CXCL9: variants seen among roughly 807,000 people sequenced by gnomAD.
CXCL9 encodes C-X-C motif chemokine 9.
In CXCL9, 8 loss-of-function variants were observed where a neutral mutation model predicts 11.7. That is an observed-to-expected ratio of 0.68 (90% CI 0.40 to 1.23). The LOEUF is 1.23. Ranked by LOEUF, CXCL9 falls within the 50% of genes most tolerant of loss-of-function variation. The pLI, the probability that CXCL9 is intolerant of heterozygous loss-of-function variation, is 0.01. For synonymous variants in CXCL9, 43 were observed against 48.2 expected (o/e 0.89, Z 0.45); for missense variants, 133 against 141.7 (o/e 0.94, Z 0.31).
At chr4:76,005,958 G>C (rs1289640118) in intron 2 of CXCL9, 190 bp downstream of exon 2, 1 of 500,344 alleles carries the variant, frequency 2.0e-6, no homozygotes, top group Admixed American at 3.1e-5. Context: ...GTCATTCTTG[G>C]GGCCTAATCT....
At chr4:76,006,602 A>G (rs1363837640) in intron 1 of CXCL9, among the ~76,000 whole-genome samples, 1 of 152,212 alleles carries the variant, frequency 6.6e-6, no homozygotes, top group Non-Finnish European at 1.5e-5. Context: ...AATATTTAAT[A>G]AATGCCTATC....
intron 2 of CXCL9, 103 bp downstream of exon 2, chr4:76,006,045 T>C (rs967955305): frequency 6.6e-6 from 7 of 1,059,048 alleles, no homozygotes. Context: ...AACCATCTGA[T>C]TTTTAAGTGT....
intron 1 of CXCL9, among the ~76,000 whole-genome samples, chr4:76,006,901 A>G (rs1731597028): frequency 6.6e-6 from 1 of 152,200 alleles, no homozygotes; most frequent in Admixed American, 6.5e-5. Flanking sequence ...TATGCCATAC[A>G]TTGTGTAGCA....
In CXCL9 at chr4:76,001,541, A is replaced by C. The variant is rs1185501945; in HGVS notation, c.*2057T>G. On this transcript the variant is annotated 3_prime_UTR_variant, in exon 4 of 4. Transcript: ENST00000264888. ...AATATTTCAAATTACAAGGTATACA[A>C]GTCAATACTGTTTTGAAGTGAAAAA... 1 of 152,210 alleles carries C rather than the reference A, an allele frequency of 6.6e-6. No homozygotes were observed. Among genetic ancestry groups the C allele is most frequent in the Non-Finnish European group, 1.5e-5 (1 of 68,034 alleles). 9.4% of individuals were successfully genotyped at this position (152,210 alleles called of 1,614,324 possible).
At position 76,001,932 on chromosome 4, in the gene CXCL9, A is replaced by G. The variant is rs1425855722; in HGVS notation, c.*1666T>C. 1 of 197,714 alleles carries G rather than the reference A, an allele frequency of 5.1e-6. No homozygotes were observed. Among genetic ancestry groups the G allele is most frequent in the Non-Finnish European group, 1.0e-5 (1 of 98,208 alleles). The allele number at this position is 197,714 out of a possible 1,614,324, so 12.2% of individuals were successfully genotyped here. A position where few individuals can be genotyped will look rare whatever the true frequency, so the allele number is the denominator to read the frequency against. ...GAACCTCCCCTGGAAGGAGGTTTCCACATCCTGCAGAGGCTAACTGGGCAC... is the reference window on the plus strand; with the variant it reads ...GAACCTCCCCTGGAAGGAGGTTTCCGCATCCTGCAGAGGCTAACTGGGCAC... On this transcript the variant is annotated 3_prime_UTR_variant, in exon 4 of 4. Transcript: ENST00000264888.
rs1447070137 is a variant in CXCL9 at position 76,006,141 on chromosome 4, T to C, written c.191+7A>G. The C allele has an allele frequency of 6.2e-7, 1 of 1,612,360 alleles. No homozygotes were observed. The highest frequency in any genetic ancestry group is 1.3e-5 in the African/African-American group (1 of 74,866). On this transcript the variant is annotated splice_region_variant and intron_variant, in intron 2 of 3. Transcript: ENST00000264888. The stretch of plus-strand genomic sequence containing the variant: ...GGTGCATGCATGTTAGCTGGGTTGT[T>C]ACTTACATGATTTCAATTTTCTCGC...
At chr4:76,006,302 T>A (rs764409957) in intron 1 of CXCL9, 28 bp from the exon 2 acceptor site, 2 of 1,609,972 alleles carry the variant, frequency 1.2e-6, no homozygotes, top group South Asian at 2.2e-5. Flanking sequence ...ATAGAACACA[T>A]CAGTATAGGC....
At chr4:76,003,995 T>A (rs568274852) in intron 3 of CXCL9, among the ~76,000 whole-genome samples, 1 of 152,300 alleles carries the variant, frequency 6.6e-6, no homozygotes, top group Admixed American at 6.5e-5. Flanking sequence ...GGCACTATTA[T>A]CATCCACGTT....
At chr4:76,004,723 T>A in intron 3 of CXCL9, 86 bp downstream of exon 3, 1 of 1,493,036 alleles carries the variant, frequency 6.7e-7, no homozygotes, top group Non-Finnish European at 8.9e-7. Flanking sequence ...TTATGTATTC[T>A]TATAGTGTTA....
rs1731519267 is a variant in CXCL9, at chr4:76,003,559, A to T, written c.*39T>A. The T allele has an allele frequency of 8.6e-7, 1 of 1,162,086 alleles. No individual in the cohort carries two copies. Among genetic ancestry groups the T allele is most frequent in the African/African-American group, 1.5e-5 (1 of 65,246 alleles). 72.0% of individuals were successfully genotyped at this position (1,162,086 alleles called of 1,614,324 possible). ...ATGATAGCGGTATAATTAAAATAGAACATTTTTAACACAGAATACTTATTG... is the reference window on the plus strand; with the variant it reads ...ATGATAGCGGTATAATTAAAATAGATCATTTTTAACACAGAATACTTATTG... On this transcript the variant is annotated 3_prime_UTR_variant, in exon 4 of 4. Transcript: ENST00000264888.
In CXCL9 at chr4:76,003,840, C is replaced by G. The variant is rs1168768550; in HGVS notation, c.277-141G>C. 1.3e-4 allele frequency: 81 copies of G among 610,954 alleles called. No homozygotes were observed. In the East Asian group the frequency reaches 2.1e-3, roughly 16 times the overall value. The allele number at this position is 610,954 out of a possible 1,614,324, so 37.8% of individuals were successfully genotyped here. ...AGTCACTTCACTCTCAGAGGGGCTC[C>G]CTTAGATTCTCTCTACTTTGCTCAC... On this transcript the variant is annotated intron_variant, in intron 3 of 3. Transcript: ENST00000264888.
rs1310073070 is a variant in CXCL9 at position 76,001,332 on chromosome 4, C to A, written c.*2266G>T. 6.6e-6 allele frequency: 1 copy of A among 152,078 alleles called. No homozygotes were observed. The highest frequency in any genetic ancestry group is 6.6e-5 in the Admixed American group (1 of 15,260). The allele number at this position is 152,078 out of a possible 1,614,324, so 9.4% of individuals were successfully genotyped here. A position where few individuals can be genotyped will look rare whatever the true frequency, so the allele number is the denominator to read the frequency against. ...TGTTCCCGATCGACCCTTTAAAGAGCTTTCATGTGTTATCTCAACTAGTGT... is the reference window on the plus strand; with the variant it reads ...TGTTCCCGATCGACCCTTTAAAGAGATTTCATGTGTTATCTCAACTAGTGT... On this transcript the variant is annotated 3_prime_UTR_variant, in exon 4 of 4. Transcript: ENST00000264888.
At chr4:76,004,386 G>A (rs988362302) in intron 3 of CXCL9, among the ~76,000 whole-genome samples, 1 of 152,070 alleles carries the variant, frequency 6.6e-6, no homozygotes, top group African/African-American at 2.4e-5. Flanking sequence ...ACTTTCTCCT[G>A]CCCCATTCCC....
chr4:76,007,158 T>C (rs552957879), intron 1 of CXCL9, among the ~76,000 whole-genome samples: 1 of 152,332 alleles, frequency 6.6e-6, no homozygotes, highest in East Asian at 1.9e-4. Flanking sequence ...TGAACATTTA[T>C]TGAACACTTA....
chr4:76,006,636 C>A (rs947349991), intron 1 of CXCL9, among the ~76,000 whole-genome samples: 2 of 152,152 alleles, frequency 1.3e-5, no homozygotes, highest in South Asian at 2.1e-4. Flanking sequence ...ATAACTAATT[C>A]ATGTATGCTA....
rs1476070660 is a variant in CXCL9, at chr4:76,003,697, G to T, written c.279C>A (p.Val93=). Residue 93 remains valine (V), a splice_region_variant and synonymous_variant, in exon 4 of 4, where the codon GTC becomes GTA. Transcript: ENST00000264888. ...KELIKKWEKQ[V]SQKKKQKNGK... ...CATTCTTTTGCTTTTTCTTTTGGCT[G>T]ACCTGTGAGAAGAAGGGGAAAAAGG... 1 of 1,585,248 alleles carries T rather than the reference G, an allele frequency of 6.3e-7. No individual in the cohort carries two copies. Among genetic ancestry groups the T allele is most frequent in the Admixed American group, 1.7e-5 (1 of 59,392 alleles).
At chr4:76,005,154 C>T (rs1167007184) in intron 2 of CXCL9, 1 of 320,688 alleles carries the variant, frequency 3.1e-6, no homozygotes, top group East Asian at 8.0e-5. Context: ...TCAAGCGATT[C>T]TCCTGCCTCA....
Position 76,003,635 on chromosome 4 carries a change from C to A in CXCL9, c.341G>T (p.Arg114Leu). The A allele has an allele frequency of 1.2e-6, 2 of 1,611,742 alleles. No individual in the cohort carries two copies. The highest frequency in any genetic ancestry group is 1.6e-4 in the Middle Eastern group (1 of 6,062). ...KHQKKKVLKV[R>L]KSQRSRQKKT... ...CTTTTGACGAGAACGTTGAGATTTT[C>A]GAACTTTCAGAACTTTCTTTTTTTG... The change falls in exon 4 of 4, where the codon CGA becomes CTA. Residue 114 changes from arginine to leucine, a missense_variant. Arg to Leu is a moderately radical substitution (Grantham distance 102). Coordinates refer to ENST00000264888, the MANE Select transcript of CXCL9 (RefSeq NM_002416.3).
Position 76,004,790 on chromosome 4 carries a change from G to T in CXCL9, c.276+19C>A, listed in dbSNP as rs369241957. The T allele has an allele frequency of 3.2e-6, 5 of 1,581,762 alleles. No individual in the cohort carries two copies. The African/African-American group carries it at 5.5e-5, about 17-fold the overall frequency. The stretch of plus-strand genomic sequence containing the variant: ...TAATTTCTAAAAGAAAGAAAATTTT[G>T]ATCTTCCTTTTCACCAACCTGTTTC... On this transcript the variant is annotated intron_variant, in intron 3 of 3. Transcript: ENST00000264888.
Sources: gnomAD v4.1 joint callset for allele counts (sites outside exome capture counted in the v4.1 genomes callset) on GRCh38, gnomAD v4.1.1 for gene constraint, MANE v1.5 for transcripts, NCBI Gene and HGNC (gene_info 2026-07-23, HGNC 2026-07-21) for gene names.